Variants in ZMPSTE24 observed in about 807,000 individuals in gnomAD.
ZMPSTE24 encodes zinc metallopeptidase STE24.
Under a neutral mutation model 56.7 loss-of-function variants are expected in ZMPSTE24, and 48 were observed. That is an observed-to-expected ratio of 0.85 (90% CI 0.67 to 1.08). The LOEUF (loss-of-function observed/expected upper bound fraction) is 1.08, where lower values mean the gene tolerates loss of function less well. Among genes scored for constraint, ZMPSTE24 ranks in the 50% least tolerant of loss-of-function variants. The pLI, the probability that ZMPSTE24 is intolerant of heterozygous loss-of-function variation, is 0.00. For missense variants in ZMPSTE24, 503 were observed against 548.7 expected (o/e 0.92, Z 0.83); for synonymous variants, 172 against 195.2 (o/e 0.88, Z 0.99).
rs60201234 is a variant in ZMPSTE24, at chr1:40,269,073, CA to C, written c.474+562del. Among the ~76,000 whole-genome samples the C allele has an allele frequency of 6.8e-3, 312 of 46,214 alleles. 2 individuals carry two copies. The highest frequency in any genetic ancestry group is 0.021 in the East Asian group (30 of 1,452). The allele number at this position is 46,214 out of a possible 152,430, so 30.3% of individuals were successfully genotyped here. On this transcript the variant is annotated intron_variant, in intron 4 of 9. Coordinates refer to ENST00000372759, the MANE Select transcript of ZMPSTE24 (RefSeq NM_005857.5). ...CCTGGGTGACAGCAAGACTCCGTCTCAAAAAAAAAAAAAAAAAAAAAAAAGA... is the reference window on the plus strand; with the variant it reads ...CCTGGGTGACAGCAAGACTCCGTCTCAAAAAAAAAAAAAAAAAAAAAAAGA...
At chr1:40,284,744 C>T (rs1643767786) in intron 7 of ZMPSTE24, among the ~76,000 whole-genome samples, 1 of 152,210 alleles carries the variant, frequency 6.6e-6, no homozygotes, top group South Asian at 2.1e-4. Flanking sequence ...AAGAGTGAAA[C>T]TCCATCTAAA....
chr1:40,291,761 T>C (rs1310770681), intron 9 of ZMPSTE24, among the ~76,000 whole-genome samples: 3 of 151,784 alleles, frequency 2.0e-5, no homozygotes, highest in Non-Finnish European at 4.4e-5. Flanking sequence ...TGGAGGGGCA[T>C]AGATCATATT....
At chr1:40,278,498 CA>C (rs1643693362) in intron 6 of ZMPSTE24, among the ~76,000 whole-genome samples, 1 of 123,430 alleles carries the variant, frequency 8.1e-6, no homozygotes, top group East Asian at 2.5e-4. Flanking sequence ...GCGGAGCTTG[CA>C]GTGAGCCGAG....
rs1456747857 is a variant in ZMPSTE24, at chr1:40,292,998, A to G, written c.*329A>G. On this transcript the variant is annotated 3_prime_UTR_variant, in exon 10 of 10. Transcript: ENST00000372759. ...ATCTGCATGTGAGGTGTTTGAGGGC[A>G]TATGTTTGAAAGAGGGAGCATCACC... The G allele has an allele frequency of 1.1e-5, 3 of 274,310 alleles. No individual in the cohort carries two copies. Among genetic ancestry groups the G allele is most frequent in the South Asian group, 7.3e-5 (2 of 27,234 alleles). 17.0% of individuals were successfully genotyped at this position (274,310 alleles called of 1,614,324 possible). A position where few individuals can be genotyped will look rare whatever the true frequency, so the allele number is the denominator to read the frequency against.
chr1:40,278,752 TACTCA>T (rs1197771917), intron 6 of ZMPSTE24, among the ~76,000 whole-genome samples: 1 of 152,154 alleles, frequency 6.6e-6, no homozygotes, highest in East Asian at 1.9e-4. Context: ...TTAATCACTA[TACTCA>T]ACTCACTGCA....
Position 40,291,005 on chromosome 1 carries a change from A to G in ZMPSTE24, c.1203+8A>G, listed in dbSNP as rs1202155943. On this transcript the variant is annotated splice_region_variant and intron_variant, in intron 9 of 9. Coordinates refer to ENST00000372759, the MANE Select transcript of ZMPSTE24 (RefSeq NM_005857.5). ...TTTTCACCTTACAATGAGGTAATGTATGATCTTTAAAATTATCACACATAT... is the reference window on the plus strand; with the variant it reads ...TTTTCACCTTACAATGAGGTAATGTGTGATCTTTAAAATTATCACACATAT... 6.2e-7 allele frequency: 1 copy of G among 1,613,462 alleles called. No homozygotes were observed. Among genetic ancestry groups the G allele is most frequent in the East Asian group, 2.2e-5 (1 of 44,858 alleles).
intron 2 of ZMPSTE24, chr1:40,263,015 C>T: frequency 3.0e-6 from 3 of 990,936 alleles, no homozygotes; most frequent in Non-Finnish European, 2.4e-6. Context: ...ATGTTTGCTT[C>T]TTGGAAGTCC....
rs369374845 is a variant in ZMPSTE24 at position 40,288,230 on chromosome 1, A to G, written c.1059+2201A>G. Among the ~76,000 whole-genome samples, 12 of 152,288 alleles carry G rather than the reference A, an allele frequency of 7.9e-5. 1 individual carries two copies. Among genetic ancestry groups the G allele is most frequent in the East Asian group, 3.9e-4 (2 of 5,186 alleles). ...TCTGGGTGATGGATTATATGGGAAG[A>G]CTTGTGAACTCCTGTGGGCACTTTC... is the stretch of plus-strand genomic sequence containing the variant. On this transcript the variant is annotated intron_variant, in intron 8 of 9. Coordinates refer to ENST00000372759, the MANE Select transcript of ZMPSTE24 (RefSeq NM_005857.5).
At chr1:40,263,846 AG>A (rs1222481400) in intron 2 of ZMPSTE24, among the ~76,000 whole-genome samples, 2 of 150,198 alleles carry the variant, frequency 1.3e-5, no homozygotes, top group Non-Finnish European at 2.9e-5. Context: ...GCACCCAGAC[AG>A]AAAATTCCAG....
chr1:40,263,894 T>C (rs926403866), intron 2 of ZMPSTE24, among the ~76,000 whole-genome samples: 1 of 152,088 alleles, frequency 6.6e-6, no homozygotes, highest in Non-Finnish European at 1.5e-5. Flanking sequence ...CTCACAGATA[T>C]CAATAAAGGG....
intron 8 of ZMPSTE24, among the ~76,000 whole-genome samples, chr1:40,286,777 G>A (rs1432179992): frequency 3.4e-5 from 5 of 148,964 alleles, no homozygotes; most frequent in Non-Finnish European, 7.4e-5. Context: ...GCCCAAGCTG[G>A]AGTGCAATGG....
At chr1:40,286,727 GCT>G (rs1491299513) in intron 8 of ZMPSTE24, among the ~76,000 whole-genome samples, 1 of 118,580 alleles carries the variant, frequency 8.4e-6, no homozygotes, top group African/African-American at 3.5e-5. Flanking sequence ...ACCCTAAAAT[GCT>G]TTTTTTTTTT....
intron 8 of ZMPSTE24, among the ~76,000 whole-genome samples, chr1:40,286,788 C>T (rs1173522497): frequency 3.1e-5 from 4 of 129,620 alleles, no homozygotes; most frequent in Admixed American, 8.3e-5. Context: ...AGTGCAATGG[C>T]GTGATCTCGG....
intron 6 of ZMPSTE24, among the ~76,000 whole-genome samples, chr1:40,273,537 A>AAAAAAAATATATAT (rs1224234676): frequency 4.8e-4 from 6 of 12,378 alleles, no homozygotes; most frequent in Non-Finnish European, 9.9e-4. Context: ...AAAAAAAAAA[A>AAAAAAAATATATAT]ATATATATAT....
intron 6 of ZMPSTE24, among the ~76,000 whole-genome samples, chr1:40,273,352 T>C (rs1396256452): frequency 2.0e-5 from 3 of 150,880 alleles, no homozygotes; most frequent in Admixed American, 6.6e-5. Context: ...ACCCTGTCTT[T>C]ACTAAAATAC....
chr1:40,281,288 A>G, intron 6 of ZMPSTE24, 55 bp from the exon 7 acceptor site: 1 of 1,569,742 alleles, frequency 6.4e-7, no homozygotes, highest in Non-Finnish European at 8.8e-7. Context: ...GAGTCTCTCC[A>G]AAGGACCCCA....
chr1:40,291,070 A>G (rs1179049957), intron 9 of ZMPSTE24, 73 bp downstream of exon 9: 2 of 1,568,518 alleles, frequency 1.3e-6, no homozygotes, highest in Non-Finnish European at 1.7e-6. Flanking sequence ...CAGGATAGTG[A>G]AAAAGGAAAT....
chr1:40,266,783 T>G (rs999341859), intron 2 of ZMPSTE24, among the ~76,000 whole-genome samples: 1 of 147,390 alleles, frequency 6.8e-6, no homozygotes. Context: ...TTTTTTTTTT[T>G]TTTTGAGACA....
intron 6 of ZMPSTE24, among the ~76,000 whole-genome samples, chr1:40,278,421 G>A (rs1443972289): frequency 1.3e-5 from 2 of 151,242 alleles, no homozygotes; most frequent in South Asian, 2.1e-4. Flanking sequence ...AGCCGGGCGT[G>A]GTAGCGGGCG....
Sources: allele counts gnomAD v4.1 joint callset (sites outside exome capture counted in the v4.1 genomes callset), GRCh38; gene constraint gnomAD v4.1.1; transcripts MANE v1.5; gene names NCBI Gene and HGNC (gene_info 2026-07-23, HGNC 2026-07-21).